The following GPBP1L1 variants were observed in gnomAD, a reference collection of about 807,000 sequenced individuals.
The protein encoded by GPBP1L1 is GC-rich promoter binding protein 1 like 1, also known as vasculin-like protein 1.
Under a neutral mutation model 52.5 loss-of-function variants are expected in GPBP1L1, and 23 were observed. That is an observed-to-expected ratio of 0.44 (90% CI 0.32 to 0.62). The LOEUF (loss-of-function observed/expected upper bound fraction) is 0.62, where lower values mean the gene tolerates loss of function less well. GPBP1L1 is among the 20% of genes least tolerant of loss of function. The pLI, the probability that GPBP1L1 is intolerant of heterozygous loss-of-function variation, is 0.06. For synonymous variants in GPBP1L1, 243 were observed against 203.1 expected (o/e 1.20, Z -1.67); for missense variants, 596 against 579.3 (o/e 1.03, Z -0.30).
At position 45,627,628 on chromosome 1, in the gene GPBP1L1, T is replaced by G. The variant is rs572575842; in HGVS notation, c.*628A>C. ...TTAATCTTTGAAATCTCACAAAAAT[T>G]TATATTTTACAATCCACCCTGAATA... On this transcript the variant is annotated 3_prime_UTR_variant, in exon 13 of 13. Coordinates refer to ENST00000355105, the MANE Select transcript of GPBP1L1 (RefSeq NM_021639.5). 4 of 152,330 alleles carry G rather than the reference T, an allele frequency of 2.6e-5. No individual in the cohort carries two copies. In the East Asian group the frequency reaches 7.7e-4, roughly 29 times the overall value. 9.4% of individuals were successfully genotyped at this position (152,330 alleles called of 1,614,324 possible). A position where few individuals can be genotyped will look rare whatever the true frequency, so the allele number is the denominator to read the frequency against.
chr1:45,662,762 GAA>G (rs1644961302), intron 2 of GPBP1L1, among the ~76,000 whole-genome samples: 1 of 152,002 alleles, frequency 6.6e-6, no homozygotes, highest in African/African-American at 2.4e-5. Flanking sequence ...ACACTTAAAA[GAA>G]TATTAGGCCG....
intron 2 of GPBP1L1, among the ~76,000 whole-genome samples, chr1:45,664,438 C>A (rs1237067745): frequency 1.3e-5 from 2 of 151,286 alleles, no homozygotes; most frequent in African/African-American, 4.9e-5. Flanking sequence ...TGGTGGTGGG[C>A]GCATGTAGTT....
intron 6 of GPBP1L1, chr1:45,645,752 T>C: frequency 2.8e-6 from 1 of 356,584 alleles, no homozygotes; most frequent in Non-Finnish European, 5.2e-6. Context: ...TTGGGAACGA[T>C]ATTCCGAAGT....
intron 2 of GPBP1L1, among the ~76,000 whole-genome samples, chr1:45,678,574 A>G (rs1169529693): frequency 6.6e-6 from 1 of 152,196 alleles, no homozygotes; most frequent in Non-Finnish European, 1.5e-5. Context: ...CTTTAGAGAA[A>G]AATACAGGAA....
At chr1:45,636,016 C>T (rs1396802571) in intron 8 of GPBP1L1, among the ~76,000 whole-genome samples, 2 of 152,150 alleles carry the variant, frequency 1.3e-5, no homozygotes, top group Non-Finnish European at 2.9e-5. Context: ...AGTCAGTATA[C>T]ATTATCTTTC....
At chr1:45,678,627 A>G (rs1327348427) in intron 2 of GPBP1L1, among the ~76,000 whole-genome samples, 1 of 152,244 alleles carries the variant, frequency 6.6e-6, no homozygotes, top group African/African-American at 2.4e-5. Flanking sequence ...GGATGCAATC[A>G]TACCAAACCA....
At chr1:45,647,768 C>T (rs1265468049) in intron 6 of GPBP1L1, among the ~76,000 whole-genome samples, 2 of 152,124 alleles carry the variant, frequency 1.3e-5, no homozygotes, top group East Asian at 3.9e-4. Flanking sequence ...CAGAGAAGCA[C>T]ATCAGCAATT....
At chr1:45,658,923 C>T in intron 4 of GPBP1L1, 105 bp downstream of exon 4, 1 of 786,026 alleles carries the variant, frequency 1.3e-6, no homozygotes, top group Non-Finnish European at 2.3e-6. Context: ...TCCTGGGTGA[C>T]AGAGGGAGAC....
intron 11 of GPBP1L1, 101 bp downstream of exon 11, chr1:45,630,381 T>C: frequency 7.3e-7 from 1 of 1,375,832 alleles, no homozygotes; most frequent in Non-Finnish European, 1.0e-6. Context: ...GGGCCACTTC[T>C]CTCTGCATGT....
At chr1:45,671,167 T>C (rs1645069964) in intron 2 of GPBP1L1, among the ~76,000 whole-genome samples, 1 of 150,226 alleles carries the variant, frequency 6.7e-6, no homozygotes, top group Non-Finnish European at 1.5e-5. Context: ...TCTCCCCTCA[T>C]AATATACCTA....
Position 45,634,169 on chromosome 1 carries a change from G to A in GPBP1L1, c.812C>T (p.Ala271Val). ...SGSLSSSRES[A>V]FTSPISVTKP... ...GGTAACAGAGATTGGACTGGTAAAA[G>A]CAGACTCCCGGCTAGAGGAAAGGGA... The change falls in exon 9 of 13, where the codon GCT (alanine) becomes GTT (valine). Residue 271 changes from alanine to valine, a missense_variant. Physicochemically the swap from Ala to Val is moderately conservative, Grantham distance 64 (BLOSUM62 0). Coordinates refer to ENST00000355105, the MANE Select transcript of GPBP1L1 (RefSeq NM_021639.5). The A allele has an allele frequency of 6.2e-7, 1 of 1,613,940 alleles. No individual in the cohort carries two copies. The highest frequency in any genetic ancestry group is 8.5e-7 in the Non-Finnish European group (1 of 1,179,886).
chr1:45,677,609 A>T (rs1482536558), intron 2 of GPBP1L1, among the ~76,000 whole-genome samples: 1 of 138,268 alleles, frequency 7.2e-6, no homozygotes, highest in Non-Finnish European at 1.6e-5. Context: ...GGCTAGGAAA[A>T]GAAAAAAATA....
intron 8 of GPBP1L1, 42 bp from the exon 9 acceptor site, chr1:45,634,278 AAACAG>A: frequency 6.5e-7 from 1 of 1,538,224 alleles, no homozygotes; most frequent in Non-Finnish European, 8.8e-7. Flanking sequence ...ACAAGCACAC[AAACAG>A]AAGCTCAGCT....
upstream of GPBP1L1, chr1:45,686,665 T>G (rs942251775): frequency 2.0e-5 from 3 of 152,168 alleles, no homozygotes; most frequent in Non-Finnish European, 4.4e-5. Flanking sequence ...AAGGGACTGC[T>G]CCGGCGACCC....
intron 6 of GPBP1L1, 174 bp downstream of exon 6, chr1:45,654,369 T>G: frequency 3.4e-6 from 2 of 584,138 alleles, no homozygotes; most frequent in Non-Finnish European, 5.6e-6. Context: ...ATAGGAGTTT[T>G]GGTCACCATT....
At chr1:45,644,214 C>A (rs770220441) in intron 6 of GPBP1L1, among the ~76,000 whole-genome samples, 2 of 152,160 alleles carry the variant, frequency 1.3e-5, no homozygotes, top group Non-Finnish European at 2.9e-5. Context: ...TAAATACATT[C>A]CTCTAGATGG....
intron 2 of GPBP1L1, among the ~76,000 whole-genome samples, chr1:45,665,241 G>A (rs1644995931): frequency 1.3e-5 from 2 of 152,030 alleles, no homozygotes; most frequent in African/African-American, 2.4e-5. Flanking sequence ...CCGAGATCAC[G>A]CCATTGCAGG....
At chr1:45,650,209 C>G (rs1644803728) in intron 6 of GPBP1L1, among the ~76,000 whole-genome samples, 1 of 152,136 alleles carries the variant, frequency 6.6e-6, no homozygotes, top group South Asian at 2.1e-4. Flanking sequence ...TCAAACACAT[C>G]CAAGTCTCCT....
In GPBP1L1 at chr1:45,633,513, A is replaced by G. The variant is rs774052159; in HGVS notation, c.1020T>C (p.Asn340=). 3 of 1,613,904 alleles carry G rather than the reference A, an allele frequency of 1.9e-6. No homozygotes were observed. Among genetic ancestry groups the G allele is most frequent in the Non-Finnish European group, 2.5e-6 (3 of 1,179,996 alleles). Residue 340 remains asparagine, a synonymous_variant, in exon 10 of 13, where the codon AAT becomes AAC. Transcript: ENST00000355105. ...CATCTTCCAGCTTGTCACAGTCTCT[A>G]TTCTCTGAGAAGTCTCCATTCCGGT... ...KDDRNGDFSE[N]RDCDKLEDLE... is the part of the protein sequence containing the mutation.
Sources: gnomAD v4.1 joint callset for allele counts (sites outside exome capture counted in the v4.1 genomes callset) on GRCh38, gnomAD v4.1.1 for gene constraint, MANE v1.5 for transcripts, NCBI Gene and HGNC (gene_info 2026-07-23, HGNC 2026-07-21) for gene names.